The following CTNND2 variants were observed in gnomAD, a reference collection of about 807,000 sequenced individuals.
The protein encoded by CTNND2 is catenin delta-2.
CTNND2 carries 22 observed loss-of-function variants against 144.4 expected under a neutral mutation model. The observed-to-expected ratio is 0.15, with a 90% CI of 0.11 to 0.22. The LOEUF (loss-of-function observed/expected upper bound fraction) is 0.22, where lower values mean the gene tolerates loss of function less well. CTNND2 is among the 10% of genes least tolerant of loss of function. CTNND2 has a pLI of 1.00. For missense variants in CTNND2, 1,353 were observed against 1,618.8 expected, an observed-to-expected ratio of 0.84 and a Z score of 2.82; for synonymous variants, 751 against 695.6, an observed-to-expected ratio of 1.08 and a Z score of -1.25.
chr5:11,240,912 ACAC>A (rs1742347286), intron 9 of CTNND2, among the ~76,000 whole-genome samples: 1 of 146,474 alleles, frequency 6.8e-6, no homozygotes, highest in Non-Finnish European at 1.5e-5. Flanking sequence ...CACTCAGCAC[ACAC>A]ATCCCCAACA....
At chr5:11,515,609 G>A (rs149612278) in intron 3 of CTNND2, among the ~76,000 whole-genome samples, 64 of 152,176 alleles carry the variant, frequency 4.2e-4, no homozygotes, top group African/African-American at 1.5e-3. Flanking sequence ...AGCAAATCAC[G>A]AAGTATGCAA....
chr5:11,866,343 C>T (rs1319599645), intron 1 of CTNND2, among the ~76,000 whole-genome samples: 4 of 152,048 alleles, frequency 2.6e-5, no homozygotes, highest in South Asian at 2.1e-4. Flanking sequence ...ATGTTTTAGG[C>T]CATGAAATTT....
chr5:11,487,720 G>A (rs774258094), intron 3 of CTNND2, among the ~76,000 whole-genome samples: 4 of 152,128 alleles, frequency 2.6e-5, no homozygotes, highest in Non-Finnish European at 4.4e-5. Flanking sequence ...TTATGCTTTT[G>A]AGGTTATTTT....
intron 2 of CTNND2, among the ~76,000 whole-genome samples, chr5:11,711,174 G>A (rs1786008706): frequency 1.3e-5 from 2 of 152,028 alleles, no homozygotes; most frequent in African/African-American, 4.8e-5. Flanking sequence ...TCCTGCTTAA[G>A]TCTCTGGAGT....
At chr5:11,847,278 A>G (rs1794796599) in intron 1 of CTNND2, among the ~76,000 whole-genome samples, 1 of 151,254 alleles carries the variant, frequency 6.6e-6, no homozygotes, top group African/African-American at 2.4e-5. Flanking sequence ...TGATATACAC[A>G]TATACACATA....
chr5:11,310,341 T>C (rs1291097411), intron 9 of CTNND2, among the ~76,000 whole-genome samples: 1 of 152,000 alleles, frequency 6.6e-6, no homozygotes, highest in African/African-American at 2.4e-5. Context: ...AGAACTGCCA[T>C]ATCCTATTTG....
At chr5:11,600,523 T>C (rs1019834419) in intron 2 of CTNND2, among the ~76,000 whole-genome samples, 2 of 151,686 alleles carry the variant, frequency 1.3e-5, no homozygotes, top group African/African-American at 4.8e-5. Flanking sequence ...TTGACCAACA[T>C]AGTGAAACCC....
At chr5:11,213,814 T>C (rs1010152062) in intron 10 of CTNND2, among the ~76,000 whole-genome samples, 2 of 144,318 alleles carry the variant, frequency 1.4e-5, no homozygotes, top group Non-Finnish European at 3.1e-5. Flanking sequence ...TAATTTTATA[T>C]GCACATATAT....
In CTNND2 at chr5:11,384,958, G is replaced by A. The variant is rs1131691357; in HGVS notation, c.884C>T (p.Pro295Leu). Residue 295 changes from proline (P) to leucine (L), a missense_variant, in exon 7 of 22, where the codon CCG (proline) becomes CTG (leucine). Transcript: ENST00000304623. The surrounding 1 kb of genome is among the most constrained non-coding windows in gnomAD (Gnocchi z 5.2). ...CGACTGCTTGGGCGAGGAGCCGCGC[G>A]GCGCGGCGTAGGTGGCGCCCTCGGG... ...SAPEGATYAA[P>L]RGSSPKQSPS... 1.4e-5 allele frequency: 22 copies of A among 1,567,278 alleles called. No individual in the cohort carries two copies. The highest frequency in any genetic ancestry group is 7.0e-5 in the East Asian group (3 of 42,650).
intron 1 of CTNND2, among the ~76,000 whole-genome samples, chr5:11,892,004 G>A (rs1427606063): frequency 6.6e-6 from 1 of 152,218 alleles, no homozygotes; most frequent in East Asian, 1.9e-4. Flanking sequence ...TGAATCTGTT[G>A]TCAAAACGTC....
At chr5:11,196,035 CATGCATGTTT>C (rs1375111039) in intron 11 of CTNND2, among the ~76,000 whole-genome samples, 1 of 152,164 alleles carries the variant, frequency 6.6e-6, no homozygotes, top group Non-Finnish European at 1.5e-5. Flanking sequence ...TTTTTTTCAG[CATGCATGTTT>C]ATGCGCTGAA....
chr5:11,829,644 GC>G (rs1793789574), intron 1 of CTNND2, among the ~76,000 whole-genome samples: 1 of 152,212 alleles, frequency 6.6e-6, no homozygotes, highest in Admixed American at 6.5e-5. Context: ...GGATGTCCAG[GC>G]AGTAGTTTGC....
At chr5:11,855,670 T>G (rs1795218529) in intron 1 of CTNND2, among the ~76,000 whole-genome samples, 1 of 152,200 alleles carries the variant, frequency 6.6e-6, no homozygotes, top group Non-Finnish European at 1.5e-5. Flanking sequence ...CACTTTAGAA[T>G]AGAGACTTCT....
intron 2 of CTNND2, among the ~76,000 whole-genome samples, chr5:11,627,591 T>G (rs996644860): frequency 6.6e-6 from 1 of 151,884 alleles, no homozygotes; most frequent in African/African-American, 2.4e-5. Context: ...AATGTGGAAA[T>G]AGTATTTGCT....
intron 9 of CTNND2, among the ~76,000 whole-genome samples, chr5:11,328,591 C>T (rs1259186768): frequency 6.6e-6 from 1 of 152,150 alleles, no homozygotes; most frequent in African/African-American, 2.4e-5. Flanking sequence ...CAGGCATGAG[C>T]CATTGCGTCC....
intron 1 of CTNND2, among the ~76,000 whole-genome samples, chr5:11,812,517 C>T (rs1008881706): frequency 6.6e-6 from 1 of 152,074 alleles, no homozygotes; most frequent in African/African-American, 2.4e-5. Flanking sequence ...TTGTTAATGG[C>T]CATGAGTTTG....
At chr5:11,898,708 A>C (rs1435852086) in intron 1 of CTNND2, among the ~76,000 whole-genome samples, 2 of 152,188 alleles carry the variant, frequency 1.3e-5, no homozygotes, top group Admixed American at 6.5e-5. Context: ...AAAAACAAAA[A>C]AACCCAGTAA....
In CTNND2 at chr5:11,857,654, G is replaced by A. The variant is rs574863617; in HGVS notation, c.37+46163C>T. The stretch of plus-strand genomic sequence containing the variant: ...AGAAGAGCTGATATATATTAAGTAC[G>A]GGTTAACCTAGTTAGTGTCATATTT... On this transcript the variant is annotated intron_variant, in intron 1 of 21. Coordinates refer to ENST00000304623, the MANE Select transcript of CTNND2 (RefSeq NM_001332.4). Among the ~76,000 whole-genome samples the A allele has an allele frequency of 4.6e-5, 7 of 152,176 alleles. No homozygotes were observed. The East Asian group carries it at 5.8e-4, about 13-fold the overall frequency.
intron 7 of CTNND2, among the ~76,000 whole-genome samples, chr5:11,368,934 G>A (rs1273269053): frequency 1.3e-5 from 2 of 152,144 alleles, no homozygotes; most frequent in Non-Finnish European, 2.9e-5. Context: ...ATCAAAATAG[G>A]TGTCCTCATG....
Sources: gnomAD v4.1 joint callset for allele counts (sites outside exome capture counted in the v4.1 genomes callset) on GRCh38, gnomAD v4.1.1 for gene constraint, Gnocchi (gnomAD v3.1) non-coding constraint, MANE v1.5 for transcripts, NCBI Gene and HGNC (gene_info 2026-07-23, HGNC 2026-07-21) for gene names.